The following SDCCAG8 variants were observed in gnomAD, a reference collection of about 807,000 sequenced individuals.
SDCCAG8 encodes the protein SHH signaling and ciliogenesis regulator SDCCAG8.
A neutral mutation model predicts 101.8 loss-of-function variants in SDCCAG8; 74 were observed. The observed-to-expected ratio is 0.73, with a 90% CI of 0.60 to 0.88. SDCCAG8 has a LOEUF of 0.88. Ranked by LOEUF, SDCCAG8 falls within the 40% of genes least tolerant of loss-of-function variation. The pLI is 0.00. For missense variants in SDCCAG8, 787 were observed against 822.6 expected (o/e 0.96, Z 0.53); for synonymous variants, 281 against 292.9 (o/e 0.96, Z 0.41).
Position 243,341,182 on chromosome 1 carries a change from A to G in SDCCAG8, c.1356+9A>G. 6.2e-7 allele frequency: 1 copy of G among 1,613,852 alleles called. No individual in the cohort carries two copies. Among genetic ancestry groups the G allele is most frequent in the Non-Finnish European group, 8.5e-7 (1 of 1,179,800 alleles). ...AAATGGATGTCACAAAGGTACAGAA[A>G]GAGATTTTAGTGTAATCGTTACTTA... is the stretch of plus-strand genomic sequence containing the variant. On this transcript the variant is annotated intron_variant, in intron 11 of 17. Transcript: ENST00000366541.
intron 17 of SDCCAG8, among the ~76,000 whole-genome samples, chr1:243,489,850 C>G (rs1400598041): frequency 6.6e-6 from 1 of 152,208 alleles, no homozygotes; most frequent in Non-Finnish European, 1.5e-5. Flanking sequence ...GGGCCACCAG[C>G]AGGGAAAAGG....
At chr1:243,421,947 T>G (rs1407018589) in intron 15 of SDCCAG8, among the ~76,000 whole-genome samples, 2 of 152,178 alleles carry the variant, frequency 1.3e-5, no homozygotes, top group African/African-American at 4.8e-5. Context: ...GAATCAGCAG[T>G]AAAACGTTGC....
Position 243,296,566 on chromosome 1 carries a change from G to A in SDCCAG8, c.675+3347G>A, listed in dbSNP as rs112018637. 6.0e-4 allele frequency among the ~76,000 whole-genome samples: 21 copies of A among 34,926 alleles called. No individual in the cohort carries two copies. The East Asian group carries it at 0.059, about 98-fold the overall frequency. The allele number at this position is 34,926 out of a possible 152,430, so 22.9% of individuals were successfully genotyped here. A position where few individuals can be genotyped will look rare whatever the true frequency, so the allele number is the denominator to read the frequency against. On this transcript the variant is annotated intron_variant, in intron 6 of 17. Transcript: ENST00000366541. Reference sequence around the variant, plus strand: ...TTTTTTTTTTTTTTTTTTTTGAGACGGAGTCTCGTTCTGTCGCCCAGGCGG... The same window carrying A: ...TTTTTTTTTTTTTTTTTTTTGAGACAGAGTCTCGTTCTGTCGCCCAGGCGG...
At chr1:243,477,497 AG>A (rs1280847475) in intron 16 of SDCCAG8, among the ~76,000 whole-genome samples, 4 of 152,220 alleles carry the variant, frequency 2.6e-5, no homozygotes, top group Non-Finnish European at 4.4e-5. Flanking sequence ...ATTCATGCCC[AG>A]TCTTCCAAAG....
At chr1:243,385,326 G>C (rs1173648308) in intron 13 of SDCCAG8, among the ~76,000 whole-genome samples, 1 of 152,180 alleles carries the variant, frequency 6.6e-6, no homozygotes, top group African/African-American at 2.4e-5. Context: ...GGAGGTCAAG[G>C]CTGCAGTGAG....
chr1:243,475,086 C>T (rs1410003994), intron 16 of SDCCAG8, among the ~76,000 whole-genome samples: 1 of 152,122 alleles, frequency 6.6e-6, no homozygotes, highest in Non-Finnish European at 1.5e-5. Flanking sequence ...GCAGGCCGCC[C>T]CCAGACACGC....
At chr1:243,431,368 C>G (rs1041454743) in intron 16 of SDCCAG8, among the ~76,000 whole-genome samples, 2 of 152,068 alleles carry the variant, frequency 1.3e-5, no homozygotes, top group Non-Finnish European at 2.9e-5. Context: ...AGAAGAGGAG[C>G]GTGTCAAGGA....
At chr1:243,499,542 C>T (rs1668982120) in intron 17 of SDCCAG8, among the ~76,000 whole-genome samples, 2 of 152,026 alleles carry the variant, frequency 1.3e-5, no homozygotes, top group Non-Finnish European at 2.9e-5. Flanking sequence ...CAAATTTAAC[C>T]CATTAAACCA....
At chr1:243,339,786 TA>T (rs1211341028) in intron 10 of SDCCAG8, among the ~76,000 whole-genome samples, 1 of 152,244 alleles carries the variant, frequency 6.6e-6, no homozygotes, top group Non-Finnish European at 1.5e-5. Context: ...AGAATTTTAG[TA>T]ATTGATTTAA....
Position 243,475,802 on chromosome 1 carries a change from G to A in SDCCAG8, c.1986-13212G>A, listed in dbSNP as rs187059273. The A allele has an allele frequency of 4.4e-5, 11 of 250,414 alleles. No homozygotes were observed. In the Admixed American group the frequency reaches 4.5e-4, roughly 10 times the overall value. The allele number at this position is 250,414 out of a possible 1,614,324, so 15.5% of individuals were successfully genotyped here. A position where few individuals can be genotyped will look rare whatever the true frequency, so the allele number is the denominator to read the frequency against. ...CTAAAATGGGGCATTCTGTGAACGT[G>A]TGCTACTTTTGAAAAATAGAGGAAG... On this transcript the variant is annotated intron_variant, in intron 16 of 17. Transcript: ENST00000366541.
chr1:243,495,400 A>T (rs1262362465), intron 17 of SDCCAG8, among the ~76,000 whole-genome samples: 1 of 152,138 alleles, frequency 6.6e-6, no homozygotes, highest in South Asian at 2.1e-4. Context: ...CAGCAAAGCC[A>T]AGCCCTGCGG....
At chr1:243,489,285 C>A in intron 17 of SDCCAG8, 145 bp downstream of exon 17, 1 of 1,151,122 alleles carries the variant, frequency 8.7e-7, no homozygotes, top group Non-Finnish European at 1.2e-6. Flanking sequence ...CTGTGCTGGG[C>A]ACAGTGCAGG....
At chr1:243,308,695 C>T (rs1285239368) in intron 8 of SDCCAG8, among the ~76,000 whole-genome samples, 1 of 152,196 alleles carries the variant, frequency 6.6e-6, no homozygotes, top group Non-Finnish European at 1.5e-5. Flanking sequence ...GAACAAGTTA[C>T]AGATGACCTT....
intron 16 of SDCCAG8, chr1:243,475,941 C>A: frequency 1.0e-6 from 1 of 985,400 alleles, no homozygotes; most frequent in Non-Finnish European, 1.2e-6. Context: ...TGGCACACAA[C>A]TGGGCAGGCT....
chr1:243,481,904 A>C (rs1280535968), intron 16 of SDCCAG8, among the ~76,000 whole-genome samples: 1 of 152,218 alleles, frequency 6.6e-6, no homozygotes, highest in Non-Finnish European at 1.5e-5. Context: ...ACATACACGC[A>C]TAAGGATATA....
intron 5 of SDCCAG8, among the ~76,000 whole-genome samples, chr1:243,288,349 C>G (rs2069842449): frequency 6.6e-6 from 1 of 151,880 alleles, no homozygotes; most frequent in Non-Finnish European, 1.5e-5. Context: ...TGATGTACAC[C>G]TGTGGTCCCA....
At chr1:243,351,192 G>T (rs978183944) in intron 12 of SDCCAG8, among the ~76,000 whole-genome samples, 2 of 152,168 alleles carry the variant, frequency 1.3e-5, no homozygotes, top group African/African-American at 4.8e-5. Flanking sequence ...TTTGGTACAT[G>T]TAATCACTCG....
intron 1 of SDCCAG8, among the ~76,000 whole-genome samples, chr1:243,260,555 G>A (rs1005935282): frequency 1.3e-5 from 2 of 152,060 alleles, no homozygotes; most frequent in African/African-American, 4.8e-5. Flanking sequence ...GAGTGTAAGG[G>A]GATATCAGAA....
intron 16 of SDCCAG8, chr1:243,476,048 T>C (rs1388203955): frequency 9.1e-6 from 9 of 985,404 alleles, no homozygotes; most frequent in African/African-American, 3.5e-5. Flanking sequence ...CTGGAAGAGT[T>C]ATGCCATCAT....
Sources: gnomAD v4.1 joint callset for allele counts (sites outside exome capture counted in the v4.1 genomes callset) on GRCh38, gnomAD v4.1.1 for gene constraint, MANE v1.5 for transcripts, NCBI Gene and HGNC (gene_info 2026-07-23, HGNC 2026-07-21) for gene names.